Variants in SSBP2 observed in about 807,000 individuals in gnomAD.
SSBP2 encodes the protein single-stranded DNA-binding protein 2.
Under a neutral mutation model 61.8 loss-of-function variants are expected in SSBP2, and 17 were observed. The observed-to-expected ratio is 0.28, with a 90% confidence interval of 0.19 to 0.41. The LOEUF (loss-of-function observed/expected upper bound fraction) is 0.41. Among genes scored for constraint, SSBP2 ranks in the 10% least tolerant of loss-of-function variants. The probability of loss-of-function intolerance (pLI) is 1.00; values close to 1 mark genes in which losing one functional copy is unlikely to be tolerated. For missense variants in SSBP2, 310 were observed against 458.7 expected (o/e 0.68, Z 2.96); for synonymous variants, 139 against 141.3 (o/e 0.98, Z 0.12).
At chr5:81,721,856 T>C (rs1233312601) in intron 1 of SSBP2, among the ~76,000 whole-genome samples, 1 of 151,972 alleles carries the variant, frequency 6.6e-6, no homozygotes, top group Non-Finnish European at 1.5e-5. Flanking sequence ...TGATGGAAAA[T>C]GGATAATTTG....
intron 5 of SSBP2, among the ~76,000 whole-genome samples, chr5:81,498,991 T>A (rs921110037): frequency 6.6e-6 from 1 of 152,200 alleles, no homozygotes; most frequent in African/African-American, 2.4e-5. Flanking sequence ...ACAATTCATA[T>A]ATCTTAATTT....
rs77850532 is a variant in SSBP2, at chr5:81,505,087, C to T, written c.372+8541G>A. Among the ~76,000 whole-genome samples, 534 of 152,348 alleles carry T rather than the reference C, an allele frequency of 3.5e-3. 2 individuals carry two copies. Among genetic ancestry groups the T allele is most frequent in the African/African-American group, 0.012 (507 of 41,584 alleles). ...GGATCTCTCATAGGCTACCTTTTAT[C>T]ACATTCATGTAGAACAGAAGTAGGC... On this transcript the variant is annotated intron_variant, in intron 5 of 16. Transcript: ENST00000320672.
chr5:81,461,479 A>G (rs1405806212), intron 9 of SSBP2, among the ~76,000 whole-genome samples: 1 of 152,132 alleles, frequency 6.6e-6, no homozygotes, highest in African/African-American at 2.4e-5. Context: ...TATCAATATG[A>G]GCTTCCTGTA....
chr5:81,569,329 A>C (rs1408735164), intron 4 of SSBP2, among the ~76,000 whole-genome samples: 1 of 152,170 alleles, frequency 6.6e-6, no homozygotes, highest in African/African-American at 2.4e-5. Context: ...TCTTATTCCA[A>C]CATAAGCTTT....
chr5:81,472,724 C>G (rs558861394), intron 8 of SSBP2, among the ~76,000 whole-genome samples: 23 of 152,048 alleles, frequency 1.5e-4, no homozygotes, highest in Non-Finnish European at 1.8e-4. Context: ...CTCATCCTCT[C>G]GAGTAGCTGG....
chr5:81,536,940 G>A (rs1370351722), intron 4 of SSBP2, among the ~76,000 whole-genome samples: 1 of 151,648 alleles, frequency 6.6e-6, no homozygotes, highest in Non-Finnish European at 1.5e-5. Context: ...GGAGGCGGAG[G>A]TTGCAGTGAA....
At chr5:81,445,795 A>C (rs1763365950) in intron 12 of SSBP2, among the ~76,000 whole-genome samples, 1 of 152,152 alleles carries the variant, frequency 6.6e-6, no homozygotes, top group Non-Finnish European at 1.5e-5. Context: ...AATACTTTAT[A>C]ATTATTAAAA....
At chr5:81,624,329 A>C (rs1746924091) in intron 3 of SSBP2, among the ~76,000 whole-genome samples, 1 of 152,342 alleles carries the variant, frequency 6.6e-6, no homozygotes, top group South Asian at 2.1e-4. Context: ...TCAAAATTTT[A>C]TCATTTTTAG....
chr5:81,632,170 CTTTT>C (rs1747791379), intron 3 of SSBP2, among the ~76,000 whole-genome samples: 2 of 152,166 alleles, frequency 1.3e-5, no homozygotes, highest in African/African-American at 2.4e-5. Context: ...TTACGCATTT[CTTTT>C]GTCATTATAT....
chr5:81,503,744 T>C (rs1003813073), intron 5 of SSBP2, among the ~76,000 whole-genome samples: 1 of 152,186 alleles, frequency 6.6e-6, no homozygotes, highest in African/African-American at 2.4e-5. Context: ...TGCCCATTAA[T>C]GACAGATTGG....
intron 4 of SSBP2, among the ~76,000 whole-genome samples, chr5:81,577,464 CTTTTA>C (rs1304799619): frequency 6.6e-6 from 1 of 151,834 alleles, no homozygotes; most frequent in Non-Finnish European, 1.5e-5. Context: ...CCTATGTTTC[CTTTTA>C]TTTAATATGA....
chr5:81,640,744 G>A (rs446696), intron 2 of SSBP2, among the ~76,000 whole-genome samples: 86,628 of 144,728 alleles, frequency 0.6, 25,320 homozygotes, highest in East Asian at 0.81. Context: ...CCTACGTCTC[G>A]TCCTTCTCTC....
rs76893559 is a variant in SSBP2 at position 81,564,013 on chromosome 5, A to G, written c.283-50296T>C. 2.7e-3 allele frequency among the ~76,000 whole-genome samples: 409 copies of G among 152,324 alleles called. 2 individuals carry two copies. The highest frequency in any genetic ancestry group is 8.5e-3 in the African/African-American group (355 of 41,574). On this transcript the variant is annotated intron_variant, in intron 4 of 16. Transcript: ENST00000320672. ...CTAATAATGGGTTCATCCCCAAAAT[A>G]TATAAGGAACCCCTACCACACAATA...
At chr5:81,722,813 A>G (rs899847929) in intron 1 of SSBP2, among the ~76,000 whole-genome samples, 6 of 152,070 alleles carry the variant, frequency 3.9e-5, no homozygotes, top group Admixed American at 3.3e-4. Context: ...AAAATCCAAC[A>G]TCAGAGAATG....
intron 1 of SSBP2, among the ~76,000 whole-genome samples, chr5:81,737,680 C>G (rs1395779958): frequency 6.6e-6 from 1 of 150,750 alleles, no homozygotes; most frequent in Non-Finnish European, 1.5e-5. Context: ...CCCAGCTACT[C>G]GAGAGGCTGA....
At chr5:81,697,374 A>G (rs1265146857) in intron 1 of SSBP2, among the ~76,000 whole-genome samples, 1 of 152,240 alleles carries the variant, frequency 6.6e-6, no homozygotes, top group Admixed American at 6.5e-5. Context: ...GGTTGTTTTT[A>G]GCTGGTGGTT....
At chr5:81,515,802 C>T (rs936059085) in intron 4 of SSBP2, among the ~76,000 whole-genome samples, 8 of 150,782 alleles carry the variant, frequency 5.3e-5, no homozygotes, top group East Asian at 1.9e-4. Flanking sequence ...CTTGCTATTA[C>T]GTAAAAGCAA....
chr5:81,483,186 A>C (rs1423553672), intron 6 of SSBP2, among the ~76,000 whole-genome samples: 1 of 152,152 alleles, frequency 6.6e-6, no homozygotes, highest in Non-Finnish European at 1.5e-5. Context: ...ATAATGAAAA[A>C]ATTTTAATAT....
intron 1 of SSBP2, among the ~76,000 whole-genome samples, chr5:81,677,946 A>C (rs1042296597): frequency 6.6e-6 from 1 of 152,208 alleles, no homozygotes; most frequent in South Asian, 2.1e-4. Flanking sequence ...CAACACCACT[A>C]AGCTACTAAA....
Sources: gnomAD v4.1 joint callset for allele counts (sites outside exome capture counted in the v4.1 genomes callset) on GRCh38, gnomAD v4.1.1 for gene constraint, MANE v1.5 for transcripts, NCBI Gene and HGNC (gene_info 2026-07-23, HGNC 2026-07-21) for gene names.